NTRK2: variants seen among roughly 807,000 people sequenced by gnomAD.
NTRK2 encodes the protein BDNF/NT-3 growth factors receptor.
NTRK2 carries 13 observed loss-of-function variants against 94.5 expected under a neutral mutation model. That is an observed-to-expected ratio of 0.14 (90% confidence interval 0.09 to 0.22). The LOEUF (loss-of-function observed/expected upper bound fraction) is 0.22, where lower values mean the gene tolerates loss of function less well. Ranked by LOEUF, NTRK2 falls within the 10% of genes least tolerant of loss-of-function variation. The pLI is 1.00. For missense variants in NTRK2, 639 were observed against 1,071.2 expected (o/e 0.60, Z 5.63); for synonymous variants, 372 against 407.4 (o/e 0.91, Z 1.05).
chr9:84,688,766 G>T lies in NTRK2; in HGVS notation c.213-13393G>T, dbSNP rs538999365. On this transcript the variant is annotated intron_variant, in intron 2 of 18. Transcript: ENST00000277120. ...AGATTGTAAAAACTGTGCCTGAAAA[G>T]TTCCTTTCCTCACGATGTCTTTTTT... Among the ~76,000 whole-genome samples, 21 of 152,348 alleles carry T rather than the reference G, an allele frequency of 1.4e-4. No homozygotes were observed. In the South Asian group the frequency reaches 4.1e-3, roughly 30 times the overall value.
intron 12 of NTRK2, among the ~76,000 whole-genome samples, chr9:84,858,052 C>A (rs1040846485): frequency 6.6e-6 from 1 of 152,130 alleles, no homozygotes; most frequent in East Asian, 1.9e-4. Flanking sequence ...AAATCTGAAA[C>A]CTTCATTGTT....
At chr9:84,680,959 C>G (rs1044228726) in intron 2 of NTRK2, among the ~76,000 whole-genome samples, 2 of 152,162 alleles carry the variant, frequency 1.3e-5, no homozygotes, top group African/African-American at 4.8e-5. Context: ...CCCTCTATCT[C>G]TCTGCATGCT....
At chr9:84,723,466 T>A in intron 6 of NTRK2, 107 bp from the exon 7 acceptor site, 1 of 1,310,054 alleles carries the variant, frequency 7.6e-7, no homozygotes, top group Non-Finnish European at 1.1e-6. Context: ...CAAAAAGCAA[T>A]TAAAGATTGA....
chr9:84,672,411 G>A (rs2058757849), intron 2 of NTRK2, among the ~76,000 whole-genome samples: 1 of 152,196 alleles, frequency 6.6e-6, no homozygotes, highest in Non-Finnish European at 1.5e-5. Context: ...CCCAACTGTG[G>A]TGGTCTTGGA....
intron 12 of NTRK2, among the ~76,000 whole-genome samples, chr9:84,798,912 C>CTATATA (rs57167822): frequency 0.048 from 6,075 of 127,318 alleles, 243 homozygotes; most frequent in Non-Finnish European, 0.059. Flanking sequence ...CTTCTAAGTG[C>CTATATA]TATATATATA....
chr9:84,869,602 G>A (rs1038333179), intron 14 of NTRK2, among the ~76,000 whole-genome samples: 2 of 151,468 alleles, frequency 1.3e-5, no homozygotes, highest in African/African-American at 2.4e-5. Context: ...GTGGCCTTTT[G>A]TTAAGTAGTG....
chr9:84,671,911 ATTG>A (rs973669250), intron 2 of NTRK2, among the ~76,000 whole-genome samples: 4 of 152,124 alleles, frequency 2.6e-5, no homozygotes, highest in Admixed American at 2.6e-4. Context: ...CTGGACTGTT[ATTG>A]TTATCATTTT....
intron 13 of NTRK2, among the ~76,000 whole-genome samples, chr9:84,866,188 G>C (rs1454341264): frequency 6.6e-6 from 1 of 152,190 alleles, no homozygotes; most frequent in Non-Finnish European, 1.5e-5. Flanking sequence ...GACAAAAGTG[G>C]TGCAGATACT....
intron 12 of NTRK2, among the ~76,000 whole-genome samples, chr9:84,823,536 C>T (rs563588130): frequency 1.2e-4 from 19 of 152,186 alleles, no homozygotes; most frequent in Admixed American, 5.9e-4. Context: ...TGTGGTAGAC[C>T]ATAGGTTCCT....
chr9:84,744,504 C>T (rs1018313438), intron 10 of NTRK2, among the ~76,000 whole-genome samples: 2 of 152,052 alleles, frequency 1.3e-5, no homozygotes, highest in African/African-American at 4.8e-5. Context: ...TCTGGCGTCA[C>T]GTGTGAGCGC....
intron 14 of NTRK2, chr9:84,873,113 A>G: frequency 9.4e-7 from 1 of 1,064,588 alleles, no homozygotes; most frequent in Non-Finnish European, 1.1e-6. Flanking sequence ...ACTTCAGTGC[A>G]ATCGAATGAC....
chr9:84,979,321 G>A (rs1335975265), intron 17 of NTRK2, among the ~76,000 whole-genome samples: 2 of 152,206 alleles, frequency 1.3e-5, no homozygotes, highest in Non-Finnish European at 2.9e-5. Flanking sequence ...GGAAGAAGTT[G>A]ATTTCAACCC....
chr9:84,811,570 T>G (rs2071793444), intron 12 of NTRK2: 1 of 1,065,434 alleles, frequency 9.4e-7, no homozygotes, highest in East Asian at 5.0e-5. Flanking sequence ...TGAAAAGGCC[T>G]GGGAGCAGAA....
rs183845882 is a variant in NTRK2 at position 84,963,601 on chromosome 9, T to C, written c.2172+8084T>C. 1.3e-3 allele frequency among the ~76,000 whole-genome samples: 200 copies of C among 152,358 alleles called. 2 individuals are homozygous for C. The highest frequency in any genetic ancestry group is 0.011 in the East Asian group (56 of 5,192). On this transcript the variant is annotated intron_variant, in intron 17 of 18. Transcript: ENST00000277120. Reference sequence around the variant, plus strand: ...TTGTTGTATTTATATTTATTGTGCTTGGACTCACTGGATTTCTTGGATTTG... The same window carrying C: ...TTGTTGTATTTATATTTATTGTGCTCGGACTCACTGGATTTCTTGGATTTG...
intron 16 of NTRK2, among the ~76,000 whole-genome samples, chr9:84,952,474 T>C (rs564162309): frequency 1.3e-5 from 2 of 152,238 alleles, no homozygotes; most frequent in Admixed American, 1.3e-4. Flanking sequence ...TCTTAAGGAA[T>C]GTCTTCCTGG....
chr9:84,746,389 A>G (rs2064075996), intron 11 of NTRK2, among the ~76,000 whole-genome samples: 2 of 152,096 alleles, frequency 1.3e-5, no homozygotes, highest in Admixed American at 6.5e-5. Context: ...GGCCCTTTAC[A>G]AGGAAAGTTT....
At chr9:84,735,189 T>C (rs1588247331) in intron 9 of NTRK2, among the ~76,000 whole-genome samples, 1 of 152,120 alleles carries the variant, frequency 6.6e-6, no homozygotes, top group East Asian at 1.9e-4. Context: ...CCCGTGTCTA[T>C]GAAAAATAAA....
In NTRK2 at chr9:84,890,503, G is replaced by A. The variant is rs148280309; in HGVS notation, c.1633+23072G>A. Among the ~76,000 whole-genome samples the A allele has an allele frequency of 6.6e-5, 10 of 152,334 alleles. 1 individual carries two copies. Among genetic ancestry groups the A allele is most frequent in the African/African-American group, 2.2e-4 (9 of 41,580 alleles). On this transcript the variant is annotated intron_variant, in intron 14 of 18. Transcript: ENST00000277120. ...GTTGCTTGTCCCAGGTAGGGAAAAT[G>A]TACATTGGACTTTCTTGATCTTTTC...
rs139862239 is a variant in NTRK2, at chr9:84,807,804, A to G, written c.1397-53236A>G. ...ATAGGTAAATCGTGGCCTGGATTGA[A>G]TTTTGCTATCAGTCTCTCTTGAAAT... is the stretch of plus-strand genomic sequence containing the variant. On this transcript the variant is annotated intron_variant, in intron 12 of 18. Coordinates refer to ENST00000277120, the MANE Select transcript of NTRK2 (RefSeq NM_006180.6). Among the ~76,000 whole-genome samples the G allele has an allele frequency of 2.4e-4, 36 of 152,296 alleles. No individual in the cohort carries two copies. The East Asian group carries it at 6.0e-3, about 25-fold the overall frequency.
Sources: allele counts gnomAD v4.1 joint callset (sites outside exome capture counted in the v4.1 genomes callset), GRCh38; gene constraint gnomAD v4.1.1; transcripts MANE v1.5; gene names NCBI Gene and HGNC (gene_info 2026-07-23, HGNC 2026-07-21).